Variants in NADK observed in about 807,000 individuals in gnomAD.
NADK encodes the protein NAD kinase.
A neutral mutation model predicts 49.8 loss-of-function variants in NADK; 22 were observed. That is an observed-to-expected ratio of 0.44 (90% CI 0.32 to 0.63). NADK has a LOEUF of 0.63. Among genes scored for constraint, NADK ranks in the 30% least tolerant of loss-of-function variants. The pLI is 0.06. For missense variants in NADK, 438 were observed against 609.4 expected (o/e 0.72, Z 2.96); for synonymous variants, 268 against 253.7 (o/e 1.06, Z -0.54).
chr1:1,771,288 G>C (rs961579175), intron 1 of NADK, among the ~76,000 whole-genome samples: 5 of 151,970 alleles, frequency 3.3e-5, no homozygotes, highest in African/African-American at 1.2e-4. Flanking sequence ...TCATGGATTG[G>C]AGGACTCAAT....
At chr1:1,753,994 G>A in intron 10 of NADK, 57 bp downstream of exon 10, 2 of 1,521,540 alleles carry the variant, frequency 1.3e-6, no homozygotes, top group Admixed American at 4.3e-5. Context: ...TCCCGGCTTT[G>A]TGTTGCACGG....
chr1:1,755,243 GAAATCCCTGA>G, intron 7 of NADK, 121 bp downstream of exon 7: 1 of 725,956 alleles, frequency 1.4e-6, no homozygotes, highest in East Asian at 2.5e-5. Flanking sequence ...TCAAGATTTA[GAAATCCCTGA>G]ATCTTGAAAC....
rs878916359 is a variant in NADK at position 1,753,558 on chromosome 1, A to G, written c.1184+9T>C. On this transcript the variant is annotated intron_variant, in intron 11 of 11. Transcript: ENST00000341426. ...GCAGGCAGCGCCCAGCCCGGCATGC[A>G]GCCCACACCTGTCTCCATGGCGGAT... The G allele has an allele frequency of 1.9e-6, 3 of 1,608,978 alleles. No homozygotes were observed. The highest frequency in any genetic ancestry group is 3.3e-5 in the Admixed American group (2 of 59,748).
intron 2 of NADK, 57 bp from the exon 3 acceptor site, chr1:1,762,092 C>T: frequency 1.4e-6 from 2 of 1,447,742 alleles, no homozygotes; most frequent in Non-Finnish European, 1.9e-6. Flanking sequence ...CATGCAGTGA[C>T]AGACACAGAT....
At position 1,752,999 on chromosome 1, in the gene NADK, C is replaced by T. The variant is rs752326074; in HGVS notation, c.1246G>A (p.Asp416Asn). Residue 416 changes from aspartate to asparagine, a missense_variant, in exon 12 of 12, where the codon GAC (aspartate) becomes AAC (asparagine). Physicochemically the swap from Asp to Asn is conservative, Grantham distance 23 (BLOSUM62 1). Coordinates refer to ENST00000341426, the MANE Select transcript of NADK (RefSeq NM_023018.5). ...CACTGGGCGAGGCTCTCAAACCAGT[C>T]GCTCACGGGGTCCCGCACACAGATG... ...PSICVRDPVS[D>N]WFESLAQCLH... 3.1e-6 allele frequency: 5 copies of T among 1,607,384 alleles called. No individual in the cohort carries two copies. The highest frequency in any genetic ancestry group is 2.2e-5 in the East Asian group (1 of 44,652).
At chr1:1,774,151 ATGTG>A (rs747946101) in intron 1 of NADK, among the ~76,000 whole-genome samples, 163 of 150,498 alleles carry the variant, frequency 1.1e-3, no homozygotes, top group South Asian at 1.9e-3. Context: ...TCACCTATGT[ATGTG>A]TGTGTGTGTA....
rs201617066 is a variant in NADK at position 1,765,236 on chromosome 1, C to T, written c.171G>A (p.Lys57=). 137 of 1,600,464 alleles carry T rather than the reference C, an allele frequency of 8.6e-5. No homozygotes were observed. Among genetic ancestry groups the T allele is most frequent in the Non-Finnish European group, 1.1e-4 (126 of 1,174,678 alleles). The stretch of plus-strand genomic sequence containing the variant: ...ATCCCTCCCAGTTGTACCTGAACTC[C>T]TTGGTGCTCCCCAGGGCGGGCGAGG... ...LSASPALGST[K]EFRRTRSLHG... is the part of the protein sequence containing the mutation. The change falls in exon 2 of 12, where the codon AAG becomes AAA. Residue 57 remains lysine, a synonymous_variant. Coordinates refer to ENST00000341426, the MANE Select transcript of NADK (RefSeq NM_023018.5).
intron 3 of NADK, among the ~76,000 whole-genome samples, chr1:1,760,984 G>A (rs776332333): frequency 1.6e-4 from 25 of 152,162 alleles, no homozygotes; most frequent in Admixed American, 3.9e-4. Flanking sequence ...TGTGTGCAAC[G>A]ATGCCTGCTA....
At chr1:1,774,601 A>G (rs1646154989) in intron 1 of NADK, among the ~76,000 whole-genome samples, 1 of 151,276 alleles carries the variant, frequency 6.6e-6, no homozygotes, top group Non-Finnish European at 1.5e-5. Context: ...GGGCGTGGCC[A>G]CTGCGCGCGG....
rs930656235 is a variant in NADK, at chr1:1,778,431, G to C, written c.-183C>G. On this transcript the variant is annotated 5_prime_UTR_variant, in exon 1 of 12. Coordinates refer to ENST00000341426, the MANE Select transcript of NADK (RefSeq NM_023018.5). This position sits in a 1 kb window ranked among gnomAD's most constrained non-coding sequence, Gnocchi z 4.9. ...GCCCCATGGCCGCCCGGACCCCGGCGCCGGCGCCGCCGAGCAGCAATGCGC... is the reference window on the plus strand; with the variant it reads ...GCCCCATGGCCGCCCGGACCCCGGCCCCGGCGCCGCCGAGCAGCAATGCGC... 1 of 147,890 alleles carries C rather than the reference G, an allele frequency of 6.8e-6. No individual in the cohort carries two copies. 9.2% of individuals were successfully genotyped at this position (147,890 alleles called of 1,614,324 possible).
chr1:1,760,588 C>G (rs1391178869), intron 3 of NADK, among the ~76,000 whole-genome samples: 1 of 152,212 alleles, frequency 6.6e-6, no homozygotes, highest in Non-Finnish European at 1.5e-5. Context: ...GTCAACAGTC[C>G]CCAGCAGCCT....
intron 10 of NADK, 77 bp from the exon 11 acceptor site, chr1:1,753,726 G>A (rs1396156589): frequency 1.1e-5 from 15 of 1,307,518 alleles, no homozygotes; most frequent in Admixed American, 6.0e-5. Flanking sequence ...CTGAGTGCTC[G>A]CCAGAGGTCG....
chr1:1,779,552 C>T (rs1025860515), upstream of NADK, among the ~76,000 whole-genome samples: 1 of 152,138 alleles, frequency 6.6e-6, no homozygotes, highest in Non-Finnish European at 1.5e-5. Flanking sequence ...GCTCACGGCT[C>T]ACTGCAGCCT....
chr1:1,761,756 C>T, intron 3 of NADK, 196 bp downstream of exon 3: 2 of 536,322 alleles, frequency 3.7e-6, no homozygotes, highest in South Asian at 4.5e-5. Context: ...AGGGAGGACG[C>T]CCATGTGGCT....
chr1:1,761,659 C>T lies in NADK; in HGVS notation c.263+293G>A, dbSNP rs760995086. The T allele has an allele frequency of 1.4e-4, 45 of 323,458 alleles. 1 individual carries two copies. Among genetic ancestry groups the T allele is most frequent in the South Asian group, 4.7e-4 (11 of 23,428 alleles). The allele number at this position is 323,458 out of a possible 1,614,324, so 20.0% of individuals were successfully genotyped here. On this transcript the variant is annotated intron_variant, in intron 3 of 11. Transcript: ENST00000341426. ...GGGCTGTGACCCGGTCTCCAGGCCC[C>T]GGCTCGCCTGCCGTCCACTTTCTCA... is the stretch of plus-strand genomic sequence containing the variant.
rs1003046286 is a variant in NADK, at chr1:1,768,390, A to C, written c.-40-2944T>G. Among the ~76,000 whole-genome samples the C allele has an allele frequency of 5.9e-5, 9 of 152,106 alleles. No homozygotes were observed. The East Asian group carries it at 7.7e-4, about 13-fold the overall frequency. ...CTGTCTCTACAAAACAAAAACAAAA[A>C]CAAAACCAAAACAAAAACAGTTGGA... is the stretch of plus-strand genomic sequence containing the variant. On this transcript the variant is annotated intron_variant, in intron 1 of 11. Coordinates refer to ENST00000341426, the MANE Select transcript of NADK (RefSeq NM_023018.5).
At position 1,753,018 on chromosome 1, in the gene NADK, A is replaced by G; in HGVS notation, c.1227T>C (p.Cys409=). 6.2e-7 allele frequency: 1 copy of G among 1,610,690 alleles called. No homozygotes were observed. Among genetic ancestry groups the G allele is most frequent in the Non-Finnish European group, 8.5e-7 (1 of 1,178,766 alleles). The change falls in exon 12 of 12, where the codon TGT becomes TGC. Residue 409 remains cysteine, a synonymous_variant. Transcript: ENST00000341426. The part of the protein sequence containing the change: ...TTSCYPLPSI[C]VRDPVSDWFE... ...ACCAGTCGCTCACGGGGTCCCGCAC[A>G]CAGATGGAGGGGAGCGGGTAGCATG...
intron 3 of NADK, chr1:1,759,308 G>A (rs1340870765): frequency 4.1e-6 from 6 of 1,468,782 alleles, no homozygotes; most frequent in Non-Finnish European, 4.5e-6. Context: ...GAGAGGGCAG[G>A]GGGTGGCGTG....
At chr1:1,772,573 G>T (rs1275933361) in intron 1 of NADK, among the ~76,000 whole-genome samples, 6 of 151,998 alleles carry the variant, frequency 3.9e-5, no homozygotes, top group African/African-American at 1.2e-4. Context: ...AGGAGTTCAA[G>T]ACCAGTTCTG....
Sources: allele counts gnomAD v4.1 joint callset (sites outside exome capture counted in the v4.1 genomes callset), GRCh38; gene constraint gnomAD v4.1.1; non-coding constraint Gnocchi (gnomAD v3.1); transcripts MANE v1.5; gene names NCBI Gene and HGNC (gene_info 2026-07-23, HGNC 2026-07-21).